RAB3IP: variants seen among roughly 807,000 people sequenced by gnomAD.
RAB3IP encodes the protein RAB3A interacting protein.
RAB3IP carries 36 observed loss-of-function variants against 59.1 expected under a neutral mutation model. The ratio of observed to expected loss-of-function variants is 0.61; its 90% CI spans 0.47 to 0.80. The LOEUF (loss-of-function observed/expected upper bound fraction) is 0.80, where lower values mean the gene tolerates loss of function less well. Among genes scored for constraint, RAB3IP ranks in the 30% least tolerant of loss-of-function variants. RAB3IP has a pLI of 0.00. For missense variants in RAB3IP, 511 were observed against 536.0 expected, an observed-to-expected ratio of 0.95 and a Z score of 0.46; for synonymous variants, 207 against 191.2, an observed-to-expected ratio of 1.08 and a Z score of -0.68.
At chr12:69,765,708 G>T (rs985228161) in intron 3 of RAB3IP, among the ~76,000 whole-genome samples, 2 of 152,194 alleles carry the variant, frequency 1.3e-5, no homozygotes, top group African/African-American at 4.8e-5. Context: ...AAGCATGCAG[G>T]TGCTTTGAAT....
At chr12:69,773,399 CTTTTTTT>C (rs71437123) in intron 3 of RAB3IP, among the ~76,000 whole-genome samples, 195 of 48,016 alleles carry the variant, frequency 4.1e-3, no homozygotes, top group African/African-American at 0.014. Context: ...ATTTGTCTTT[CTTTTTTT>C]TTTTTTTTTT....
chr12:69,797,883 A>G (rs1289078997), intron 6 of RAB3IP, among the ~76,000 whole-genome samples: 1 of 152,124 alleles, frequency 6.6e-6, no homozygotes, highest in Non-Finnish European at 1.5e-5. Flanking sequence ...ATAGTATTCC[A>G]TGGTGTATAT....
intron 8 of RAB3IP, 154 bp from the exon 9 acceptor site, chr12:69,812,624 T>A: frequency 1.7e-6 from 1 of 604,740 alleles, no homozygotes; most frequent in East Asian, 2.8e-5. Flanking sequence ...GACTTTGTCC[T>A]TTTCATCACT....
At chr12:69,807,556 C>T (rs1206310733) in intron 8 of RAB3IP, among the ~76,000 whole-genome samples, 1 of 147,714 alleles carries the variant, frequency 6.8e-6, no homozygotes, top group Non-Finnish European at 1.5e-5. Flanking sequence ...CAGAGACGCT[C>T]CTCACCTCTC....
At chr12:69,758,922 C>T (rs1870710185) in intron 3 of RAB3IP, among the ~76,000 whole-genome samples, 1 of 151,540 alleles carries the variant, frequency 6.6e-6, no homozygotes, top group Admixed American at 6.6e-5. Flanking sequence ...GATGAGAAGC[C>T]AGCTGTCAAT....
chr12:69,782,760 A>G (rs1228789622), intron 3 of RAB3IP, among the ~76,000 whole-genome samples: 1 of 149,532 alleles, frequency 6.7e-6, no homozygotes, highest in Non-Finnish European at 1.5e-5. Context: ...AGTTAGATGT[A>G]TTTTCTTCTT....
chr12:69,741,497 T>C (rs1038629432), intron 1 of RAB3IP, among the ~76,000 whole-genome samples: 8 of 152,232 alleles, frequency 5.3e-5, no homozygotes, highest in African/African-American at 1.4e-4. Flanking sequence ...GTATTTCTGG[T>C]TTAAAAATAT....
At chr12:69,756,910 G>A (rs1186474258) in intron 3 of RAB3IP, among the ~76,000 whole-genome samples, 3 of 152,160 alleles carry the variant, frequency 2.0e-5, no homozygotes, top group Non-Finnish European at 4.4e-5. Context: ...CCACTGCATT[G>A]CCTGCTCCCT....
chr12:69,794,410 T>C, intron 4 of RAB3IP, 27 bp from the exon 5 acceptor site: 2 of 1,580,156 alleles, frequency 1.3e-6, no homozygotes, highest in Non-Finnish European at 1.7e-6. Context: ...ACTTTGTTTC[T>C]AAAATTTGAG....
intron 8 of RAB3IP, among the ~76,000 whole-genome samples, chr12:69,810,608 A>C (rs1880288490): frequency 6.6e-6 from 1 of 151,878 alleles, no homozygotes; most frequent in Non-Finnish European, 1.5e-5. Flanking sequence ...CTAGAAACAA[A>C]TCAAAGTGCG....
chr12:69,738,970 G>A lies in RAB3IP; in HGVS notation c.-87G>A, dbSNP rs926427897. ...CCTCCGTTTCTCGCTGCTTCGGGACGCGCTCTCTGCGGCTCTGTGAGCGCC... is the reference window on the plus strand; with the variant it reads ...CCTCCGTTTCTCGCTGCTTCGGGACACGCTCTCTGCGGCTCTGTGAGCGCC... On this transcript the variant is annotated 5_prime_UTR_variant, in exon 1 of 11. Coordinates refer to ENST00000247833, the MANE Select transcript of RAB3IP (RefSeq NM_022456.5). 1.1e-4 allele frequency: 17 copies of A among 152,272 alleles called. No homozygotes were observed. The highest frequency in any genetic ancestry group is 4.1e-4 in the African/African-American group (17 of 41,550). 9.4% of individuals were successfully genotyped at this position (152,272 alleles called of 1,614,324 possible).
chr12:69,795,473 C>T (rs1376106416), intron 6 of RAB3IP, 129 bp downstream of exon 6: 1 of 720,818 alleles, frequency 1.4e-6, no homozygotes, highest in African/African-American at 1.8e-5. Flanking sequence ...ATGGGGGAGG[C>T]TTTATCTAGA....
chr12:69,802,799 A>G (rs933117870), intron 8 of RAB3IP, among the ~76,000 whole-genome samples: 1 of 152,202 alleles, frequency 6.6e-6, no homozygotes, highest in African/African-American at 2.4e-5. Context: ...CAGCAAGATT[A>G]CAGAATGTTG....
intron 3 of RAB3IP, among the ~76,000 whole-genome samples, chr12:69,770,460 A>G (rs566676323): frequency 2.6e-5 from 4 of 152,122 alleles, no homozygotes; most frequent in Non-Finnish European, 5.9e-5. Context: ...GTCTTATACA[A>G]ATTTGTATTT....
At chr12:69,740,587 T>G (rs1263032003) in intron 1 of RAB3IP, among the ~76,000 whole-genome samples, 1 of 152,254 alleles carries the variant, frequency 6.6e-6, no homozygotes, top group East Asian at 1.9e-4. Flanking sequence ...TACTGAATAC[T>G]TGTAATCTTT....
intron 8 of RAB3IP, among the ~76,000 whole-genome samples, chr12:69,808,668 T>C (rs1443979216): frequency 2.0e-5 from 3 of 152,238 alleles, no homozygotes; most frequent in Non-Finnish European, 4.4e-5. Flanking sequence ...TGGTCTTGTC[T>C]CTTTTGATCT....
chr12:69,759,534 A>G (rs1399930159), intron 3 of RAB3IP, among the ~76,000 whole-genome samples: 17 of 146,764 alleles, frequency 1.2e-4, no homozygotes, highest in African/African-American at 4.0e-4. Context: ...CGGGCAGAGG[A>G]GCTCCTCACT....
intron 8 of RAB3IP, among the ~76,000 whole-genome samples, chr12:69,810,158 G>A (rs1880182648): frequency 6.6e-6 from 1 of 152,168 alleles, no homozygotes; most frequent in African/African-American, 2.4e-5. Context: ...TTTACTGGAG[G>A]TCCACTCCGG....
chr12:69,755,488 A>C lies in RAB3IP; in HGVS notation c.80A>C (p.Glu27Ala), dbSNP rs1375703655. Residue 27 changes from glutamate (E) to alanine (A), a missense_variant, in exon 2 of 11, where the codon GAA (glutamate) becomes GCA (alanine). By Grantham distance (107) the Glu-to-Ala change is moderately radical. Transcript: ENST00000247833. ...TCTCCGGACCTTCTTGGTGTGTATGAATCAGGAACTCAAGAGCAGACTACC... is the reference window on the plus strand; with the variant it reads ...TCTCCGGACCTTCTTGGTGTGTATGCATCAGGAACTCAAGAGCAGACTACC... ...PTSPDLLGVYESGTQEQTTSP... is the reference protein window; with the variant it reads ...PTSPDLLGVYASGTQEQTTSP... 1 of 1,614,100 alleles carries C rather than the reference A, an allele frequency of 6.2e-7. No individual in the cohort carries two copies. The highest frequency in any genetic ancestry group is 1.1e-5 in the South Asian group (1 of 91,072).
Sources: gnomAD v4.1 joint callset for allele counts (sites outside exome capture counted in the v4.1 genomes callset) on GRCh38, gnomAD v4.1.1 for gene constraint, MANE v1.5 for transcripts, NCBI Gene and HGNC (gene_info 2026-07-23, HGNC 2026-07-21) for gene names.